CCNB2: variants seen among roughly 807,000 people sequenced by gnomAD.
CCNB2 encodes cyclin B2, also known as G2/mitotic-specific cyclin-B2.
In CCNB2, 39 loss-of-function variants were observed where a neutral mutation model predicts 51.1. That is an observed-to-expected ratio of 0.76 (90% CI 0.59 to 1.00). The LOEUF is 1.00. Ranked by LOEUF, CCNB2 falls within the 50% of genes least tolerant of loss-of-function variation. The probability of loss-of-function intolerance (pLI) is 0.00; values close to 1 mark genes in which losing one functional copy is unlikely to be tolerated. For synonymous variants in CCNB2, 174 were observed against 165.5 expected, an observed-to-expected ratio of 1.05 and a Z score of -0.40; for missense variants, 472 against 470.3, an observed-to-expected ratio of 1.00 and a Z score of -0.03.
At chr15:59,122,735 A>C (rs2079308528) in intron 7 of CCNB2, among the ~76,000 whole-genome samples, 1 of 150,956 alleles carries the variant, frequency 6.6e-6, no homozygotes, top group African/African-American at 2.4e-5. Context: ...AGGGTCTCCC[A>C]ATGTTACCCA....
At chr15:59,114,195 T>C (rs1448672247) in intron 3 of CCNB2, among the ~76,000 whole-genome samples, 1 of 152,174 alleles carries the variant, frequency 6.6e-6, no homozygotes, top group Non-Finnish European at 1.5e-5. Context: ...GGCCAGATTA[T>C]ATAAGGTCTG....
intron 8 of CCNB2, chr15:59,124,482 C>A: frequency 2.4e-6 from 1 of 411,194 alleles, no homozygotes; most frequent in East Asian, 5.6e-5. Flanking sequence ...CACAGCTCCC[C>A]CTCCCATCCC....
intron 1 of CCNB2, among the ~76,000 whole-genome samples, chr15:59,105,875 C>T (rs568002131): frequency 1.3e-5 from 2 of 152,242 alleles, no homozygotes; most frequent in South Asian, 4.1e-4. Context: ...GGGTTTGTCC[C>T]CTTAAAAAAT....
chr15:59,117,008 A>AT, intron 6 of CCNB2, 82 bp downstream of exon 6: 1 of 1,208,542 alleles, frequency 8.3e-7, no homozygotes, highest in Non-Finnish European at 1.2e-6. Flanking sequence ...AGGAAAGCTT[A>AT]TTTATAGGAC....
chr15:59,107,192 C>T, intron 1 of CCNB2, 130 bp from the exon 2 acceptor site: 1 of 803,862 alleles, frequency 1.2e-6, no homozygotes, highest in Non-Finnish European at 1.9e-6. Context: ...CTGAAATGTA[C>T]CTTTTCCATC....
At chr15:59,110,083 CT>C (rs112780817) in intron 3 of CCNB2, among the ~76,000 whole-genome samples, 174 of 148,674 alleles carry the variant, frequency 1.2e-3, no homozygotes, top group East Asian at 3.3e-3. Context: ...GAAAAGAAGG[CT>C]TTTTTTTTTC....
intron 7 of CCNB2, 21 bp downstream of exon 7, chr15:59,117,389 G>T: frequency 6.2e-7 from 1 of 1,608,602 alleles, no homozygotes; most frequent in Non-Finnish European, 8.5e-7. Context: ...GATTTAAGAA[G>T]AAACTAATTA....
chr15:59,107,092 G>C (rs1166454007), intron 1 of CCNB2, among the ~76,000 whole-genome samples: 1 of 152,156 alleles, frequency 6.6e-6, no homozygotes, highest in East Asian at 1.9e-4. Context: ...TGCAAGGTTA[G>C]TGGGAGGATC....
At chr15:59,105,924 T>C (rs1399224696) in intron 1 of CCNB2, among the ~76,000 whole-genome samples, 1 of 152,260 alleles carries the variant, frequency 6.6e-6, no homozygotes, top group Non-Finnish European at 1.5e-5. Context: ...TTTTTGAATA[T>C]AATTTGGACC....
rs1283258181 is a variant in CCNB2, at chr15:59,116,724, T to G, written c.632T>G (p.Val211Gly). ...GTTTCCCGGAAGAAGCTTCAATTAG[T>G]TGGGATTACTGCTCTGCTCTTGGCT... is the stretch of plus-strand genomic sequence containing the variant. ...QPVSRKKLQL[V>G]GITALLLASK... is the part of the protein sequence containing the mutation. The change falls in exon 6 of 9, where the codon GTT becomes GGT. Residue 211 changes from valine to glycine, a missense_variant. Val to Gly is a moderately radical substitution (Grantham distance 109, BLOSUM62 -3). Coordinates refer to ENST00000288207, the MANE Select transcript of CCNB2 (RefSeq NM_004701.4). 6.2e-7 allele frequency: 1 copy of G among 1,612,324 alleles called. No individual in the cohort carries two copies. Among genetic ancestry groups the G allele is most frequent in the Non-Finnish European group, 8.5e-7 (1 of 1,179,844 alleles).
At chr15:59,106,449 T>C (rs1429452778) in intron 1 of CCNB2, among the ~76,000 whole-genome samples, 1 of 152,188 alleles carries the variant, frequency 6.6e-6, no homozygotes, top group Non-Finnish European at 1.5e-5. Context: ...AACCCCTTGT[T>C]GGGAGTTTTA....
chr15:59,117,231 G>A lies in CCNB2; in HGVS notation c.838G>A (p.Asp280Asn), dbSNP rs990575775. ...LRRASKAGEV[D>N]VEQHTLAKYL... Reference sequence around the variant, plus strand: ...ATCCCTTGCTGTTCTTTCTTAGGTTGATGTTGAACAGCACACTTTAGCCAA... The same window carrying A: ...ATCCCTTGCTGTTCTTTCTTAGGTTAATGTTGAACAGCACACTTTAGCCAA... Residue 280 changes from aspartate to asparagine, a missense_variant, in exon 7 of 9, where the codon GAT becomes AAT. Transcript: ENST00000288207. 3.1e-6 allele frequency: 5 copies of A among 1,612,020 alleles called. No individual in the cohort carries two copies. The highest frequency in any genetic ancestry group is 4.2e-6 in the Non-Finnish European group (5 of 1,179,582).
chr15:59,116,949 G>T, intron 6 of CCNB2, 23 bp downstream of exon 6: 1 of 1,575,572 alleles, frequency 6.3e-7, no homozygotes. Context: ...AGCTCTGTAA[G>T]AGACTATTTT....
At position 59,105,176 on chromosome 15, in the gene CCNB2, C is replaced by T; in HGVS notation, c.-93C>T. 3 of 1,181,896 alleles carry T rather than the reference C, an allele frequency of 2.5e-6. No homozygotes were observed. Among genetic ancestry groups the T allele is most frequent in the Admixed American group, 2.2e-5 (1 of 44,864 alleles). 73.2% of individuals were successfully genotyped at this position (1,181,896 alleles called of 1,614,324 possible). A position where few individuals can be genotyped will look rare whatever the true frequency, so the allele number is the denominator to read the frequency against. ...TCCCCAGCGCTGCGGGCTCGGAGAG[C>T]AGTCCTAACGGCGCCTCGTACGCTA... On this transcript the variant is annotated 5_prime_UTR_variant, in exon 1 of 9. Coordinates refer to ENST00000288207, the MANE Select transcript of CCNB2 (RefSeq NM_004701.4).
chr15:59,109,593 G>C (rs1294534113), intron 3 of CCNB2, among the ~76,000 whole-genome samples: 1 of 152,176 alleles, frequency 6.6e-6, no homozygotes, highest in Admixed American at 6.5e-5. Context: ...TGCAACCCCA[G>C]ATTTGCTTTT....
At chr15:59,120,682 C>A (rs1449483739) in intron 7 of CCNB2, among the ~76,000 whole-genome samples, 1 of 152,088 alleles carries the variant, frequency 6.6e-6, no homozygotes, top group African/African-American at 2.4e-5. Flanking sequence ...TAATTTTCAA[C>A]CTGTAATGTA....
Position 59,107,459 on chromosome 15 carries a change from G to A in CCNB2, c.153+9G>A. On this transcript the variant is annotated intron_variant, in intron 2 of 8. Transcript: ENST00000288207. ...CAGCACAAGTAGCTAAGGTAACAAT[G>A]ATGAAGACTGAATGTGAATACAGAG... is the stretch of plus-strand genomic sequence containing the variant. 1 of 1,614,052 alleles carries A rather than the reference G, an allele frequency of 6.2e-7. No individual in the cohort carries two copies. The highest frequency in any genetic ancestry group is 8.5e-7 in the Non-Finnish European group (1 of 1,179,998).
Position 59,110,510 on chromosome 15 carries a change from C to G in CCNB2, c.267+2840C>G, listed in dbSNP as rs1418016579. On this transcript the variant is annotated intron_variant, in intron 3 of 8. Coordinates refer to ENST00000288207, the MANE Select transcript of CCNB2 (RefSeq NM_004701.4). ...AGCCTTCTGGCTTTTACTTTGTCATCTGCTTTATCTGCAGGGTTATCACTG... is the reference window on the plus strand; with the variant it reads ...AGCCTTCTGGCTTTTACTTTGTCATGTGCTTTATCTGCAGGGTTATCACTG... Among the ~76,000 whole-genome samples the G allele has an allele frequency of 2.0e-5, 3 of 152,220 alleles. No homozygotes were observed. In the East Asian group the frequency reaches 5.8e-4, roughly 29 times the overall value.
rs545644327 is a variant in CCNB2, at chr15:59,117,697, C to T, written c.975+329C>T. On this transcript the variant is annotated intron_variant, in intron 7 of 8. Transcript: ENST00000288207. ...ATGTTGTCTAGGCTAGCCTTGAACTCGGCTCAAGCAGTCTGCCCACCTTGG... is the reference window on the plus strand; with the variant it reads ...ATGTTGTCTAGGCTAGCCTTGAACTTGGCTCAAGCAGTCTGCCCACCTTGG... 3.7e-4 allele frequency among the ~76,000 whole-genome samples: 57 copies of T among 152,272 alleles called. No homozygotes were observed. The Middle Eastern group carries it at 0.014, about 36-fold the overall frequency.
Sources: gnomAD v4.1 joint callset for allele counts (sites outside exome capture counted in the v4.1 genomes callset) on GRCh38, gnomAD v4.1.1 for gene constraint, MANE v1.5 for transcripts, NCBI Gene and HGNC (gene_info 2026-07-23, HGNC 2026-07-21) for gene names.